Variants in RNF44 observed in about 807,000 individuals in gnomAD.
The protein encoded by RNF44 is ring finger protein 44.
Under a neutral mutation model 53.6 loss-of-function variants are expected in RNF44, and 25 were observed. That is an observed-to-expected ratio of 0.47 (90% CI 0.34 to 0.65). The LOEUF (loss-of-function observed/expected upper bound fraction) is 0.65. RNF44 is among the 30% of genes least tolerant of loss of function. RNF44 has a pLI of 0.01. For missense variants in RNF44, 581 were observed against 595.5 expected, an observed-to-expected ratio of 0.98 and a Z score of 0.25; for synonymous variants, 282 against 252.2, an observed-to-expected ratio of 1.12 and a Z score of -1.12.
chr5:176,529,939 G>C, intron 7 of RNF44, 121 bp from the exon 8 acceptor site: 1 of 1,386,438 alleles, frequency 7.2e-7, no homozygotes, highest in South Asian at 1.5e-5. Flanking sequence ...AGGGAGCCCA[G>C]CTGGCGTGCC....
Position 176,532,427 on chromosome 5 carries a change from G to C in RNF44, c.46C>G (p.Pro16Ala), listed in dbSNP as rs1455423141. 6.2e-7 allele frequency: 1 copy of C among 1,607,762 alleles called. No homozygotes were observed. Among genetic ancestry groups the C allele is most frequent in the Non-Finnish European group, 8.5e-7 (1 of 1,178,940 alleles). Residue 16 changes from proline (P) to alanine (A), a missense_variant, in exon 2 of 11, where the codon CCC (proline) becomes GCC (alanine). Physicochemically the swap from Pro to Ala is conservative, Grantham distance 27 (BLOSUM62 -1). This residue lies in a region of RNF44 where 387 missense variants were observed against 366.0 expected (regional missense o/e 1.06). Coordinates refer to ENST00000274811, the MANE Select transcript of RNF44 (RefSeq NM_014901.5). ...LAVTRWPPSA[P>A]VGQRRFSAGP... ...GCAGAGAATCGCCGCTGGCCCACGG[G>C]GGCGGAGGGTGGCCACCTAGTCACT...
chr5:176,527,413 G>A lies in RNF44; in HGVS notation c.*1615C>T, dbSNP rs1290438399. ...TTCCGCCTGCCCCAGGAACTGTAAG[G>A]GGTTTGAAAACGTTTTGTTGGGGTC... On this transcript the variant is annotated 3_prime_UTR_variant, in exon 11 of 11. Coordinates refer to ENST00000274811, the MANE Select transcript of RNF44 (RefSeq NM_014901.5). 3 of 152,610 alleles carry A rather than the reference G, an allele frequency of 2.0e-5. No homozygotes were observed. The highest frequency in any genetic ancestry group is 7.2e-5 in the African/African-American group (3 of 41,446). 9.5% of individuals were successfully genotyped at this position (152,610 alleles called of 1,614,324 possible).
Position 176,532,108 on chromosome 5 carries a change from G to A in RNF44, c.193C>T (p.Leu65Phe), listed in dbSNP as rs984797501. The part of the protein sequence containing the change: ...SQQPPSRPPH[L>F]PVEERRASAP... ...GAGGCTCGGCGCTCCTCTACGGGGA[G>A]GTGTGGAGGTCGGGACGGCGGCTGC... Residue 65 changes from leucine (L) to phenylalanine (F), a missense_variant, in exon 3 of 11, where the codon CTC becomes TTC. Around this residue, in one of 3 missense-constraint regions of RNF44, gnomAD observed 387 missense variants for 366.0 expected, o/e 1.06. Coordinates refer to ENST00000274811, the MANE Select transcript of RNF44 (RefSeq NM_014901.5). The A allele has an allele frequency of 6.3e-6, 10 of 1,593,376 alleles. No individual in the cohort carries two copies. The African/African-American group carries it at 1.1e-4, about 17-fold the overall frequency.
upstream of RNF44, among the ~76,000 whole-genome samples, chr5:176,539,447 T>C (rs1244711194): frequency 2.0e-5 from 3 of 152,264 alleles, no homozygotes; most frequent in African/African-American, 7.2e-5. Flanking sequence ...CCCAGCACTT[T>C]GGGAGATCCA....
rs1757294098 is a variant in RNF44 at position 176,537,387 on chromosome 5, A to G, written c.-492T>C. ...GCGCCGGGAGGCTCCGGCAAACAGT[A>G]GCCCGCTGCAAGCCCGCAGGGGCCC... is the stretch of plus-strand genomic sequence containing the variant. On this transcript the variant is annotated 5_prime_UTR_variant, in exon 1 of 11. Transcript: ENST00000274811. 2 of 152,078 alleles carry G rather than the reference A, an allele frequency of 1.3e-5. No individual in the cohort carries two copies. Among genetic ancestry groups the G allele is most frequent in the African/African-American group, 2.4e-5 (1 of 41,424 alleles). 9.4% of individuals were successfully genotyped at this position (152,078 alleles called of 1,614,324 possible). A position where few individuals can be genotyped will look rare whatever the true frequency, so the allele number is the denominator to read the frequency against.
chr5:176,532,379 G>T lies in RNF44; in HGVS notation c.94C>A (p.Gln32Lys). 6.2e-7 allele frequency: 1 copy of T among 1,609,490 alleles called. No individual in the cohort carries two copies. The highest frequency in any genetic ancestry group is 8.5e-7 in the Non-Finnish European group (1 of 1,178,928). ...GCTCCTTCCTACCTTCCCCAGAGCT[G>T]GCCCGGGGTGCTGCCAGGTCCCGCA... The part of the protein sequence containing the change: ...FSAGPGSTPG[Q>K]LWGSPGLEGP... The change falls in exon 2 of 11, where the codon CAG (glutamine) becomes AAG (lysine). Residue 32 changes from glutamine (Q) to lysine (K), a missense_variant. Coordinates refer to ENST00000274811, the MANE Select transcript of RNF44 (RefSeq NM_014901.5).
intron 6 of RNF44, 152 bp downstream of exon 6, chr5:176,530,430 G>GCGGGCCTGCCTCC: frequency 9.7e-7 from 1 of 1,034,842 alleles, no homozygotes; most frequent in African/African-American, 1.7e-5. Context: ...AGTCAGCCCA[G>GCGGGCCTGCCTCC]CAGGCCTGCC....
upstream of RNF44, among the ~76,000 whole-genome samples, chr5:176,540,895 TTTCAAA>T (rs1335754163): frequency 6.6e-6 from 1 of 152,234 alleles, no homozygotes; most frequent in African/African-American, 2.4e-5. Context: ...TTTTCCAGTT[TTTCAAA>T]TGAAGCCAGA....
At chr5:176,536,702 G>A (rs941084604) in intron 1 of RNF44, among the ~76,000 whole-genome samples, 1 of 152,068 alleles carries the variant, frequency 6.6e-6, no homozygotes, top group African/African-American at 2.4e-5. Context: ...CAGGGGGAGG[G>A]GGGCGGCTCC....
At chr5:176,530,781 C>G in intron 5 of RNF44, 38 bp from the exon 6 acceptor site, 1 of 1,491,952 alleles carries the variant, frequency 6.7e-7, no homozygotes. Flanking sequence ...GTCAGTGAGA[C>G]GAGGCTGTCC....
rs778515000 is a variant in RNF44 at position 176,532,496 on chromosome 5, G to A, written c.-24C>T. ...ATCGGGGGGGCAGGGGGGTGGAGGG[G>A]CTGGGCCGGGACTCACAACCCTAGG... On this transcript the variant is annotated 5_prime_UTR_variant, in exon 2 of 11. Coordinates refer to ENST00000274811, the MANE Select transcript of RNF44 (RefSeq NM_014901.5). 8 of 1,535,472 alleles carry A rather than the reference G, an allele frequency of 5.2e-6. No individual in the cohort carries two copies. In the African/African-American group the frequency reaches 9.6e-5, roughly 18 times the overall value.
chr5:176,529,725 T>C lies in RNF44; in HGVS notation c.1014+6A>G. On this transcript the variant is annotated splice_donor_region_variant and intron_variant, in intron 8 of 10. Coordinates refer to ENST00000274811, the MANE Select transcript of RNF44 (RefSeq NM_014901.5). The stretch of plus-strand genomic sequence containing the variant: ...CCCCACCTCCCAGCATGGGGCTCCA[T>C]GGGACCTCATAGTTCTCCATCTCCA... 2 of 1,611,716 alleles carry C rather than the reference T, an allele frequency of 1.2e-6. No homozygotes were observed. The highest frequency in any genetic ancestry group is 1.1e-5 in the South Asian group (1 of 90,722).
chr5:176,537,518 A>C (rs1213809049), upstream of RNF44: 1 of 151,946 alleles, frequency 6.6e-6, no homozygotes, highest in Non-Finnish European at 1.5e-5. Context: ...CCTCGCCCCC[A>C]CCTTCGCACT....
chr5:176,529,414 C>G (rs779259213), intron 9 of RNF44, 27 bp from the exon 10 acceptor site: 1 of 1,605,332 alleles, frequency 6.2e-7, no homozygotes, highest in Non-Finnish European at 8.5e-7. Flanking sequence ...AGCGTCACCT[C>G]CACGCTGAGG....
chr5:176,543,476 G>C, the RNF44 span: 6 of 152,004 alleles, frequency 3.9e-5, no homozygotes, highest in Non-Finnish European at 5.9e-5. The surrounding 1 kb of genome is among the most constrained non-coding windows in gnomAD (Gnocchi z 4.0). Context: ...CCGCGCGAAT[G>C]GAGCTGCCTG....
upstream of RNF44, among the ~76,000 whole-genome samples, chr5:176,540,217 C>T (rs565534005): frequency 3.3e-5 from 5 of 152,138 alleles, no homozygotes; most frequent in East Asian, 5.8e-4. Flanking sequence ...AGTGCGCAGA[C>T]GTCCAGCCTT....
chr5:176,531,345 G>C lies in RNF44; in HGVS notation c.465+118C>G, dbSNP rs532995597. 7 of 1,028,996 alleles carry C rather than the reference G, an allele frequency of 6.8e-6. No individual in the cohort carries two copies. The East Asian group carries it at 1.6e-4, about 23-fold the overall frequency. 63.7% of individuals were successfully genotyped at this position (1,028,996 alleles called of 1,614,324 possible). The stretch of plus-strand genomic sequence containing the variant: ...CCTGGGGAGGCCAGGCAGGCGCTCT[G>C]ACAGCCTGGATGGCTGGATAGCTCA... On this transcript the variant is annotated intron_variant, in intron 4 of 10. Transcript: ENST00000274811. This position sits in a 1 kb window ranked among gnomAD's most constrained non-coding sequence, Gnocchi z 4.2.
chr5:176,538,023 T>A (rs944270926), upstream of RNF44: 1 of 152,178 alleles, frequency 6.6e-6, no homozygotes, highest in Non-Finnish European at 1.5e-5. Flanking sequence ...CGAGCTAACG[T>A]CTGCCGGGCA....
chr5:176,529,983 A>G lies in RNF44; in HGVS notation c.926+99T>C, dbSNP rs902706277. On this transcript the variant is annotated intron_variant, in intron 7 of 10. Transcript: ENST00000274811. ...TAAGGGGGGAACGCCAGGTGGCTTC[A>G]GAGGCCCTGGGGCCCCTGGAGCTGT... is the stretch of plus-strand genomic sequence containing the variant. The G allele has an allele frequency of 2.1e-5, 31 of 1,445,118 alleles. No homozygotes were observed. In the East Asian group the frequency reaches 6.9e-4, roughly 32 times the overall value. The allele number at this position is 1,445,118 out of a possible 1,614,324, so 89.5% of individuals were successfully genotyped here.
Sources: allele counts gnomAD v4.1 joint callset (sites outside exome capture counted in the v4.1 genomes callset), GRCh38; gene constraint gnomAD v4.1.1; regional missense constraint gnomAD v4.1.1; non-coding constraint Gnocchi (gnomAD v3.1); transcripts MANE v1.5; gene names NCBI Gene and HGNC (gene_info 2026-07-23, HGNC 2026-07-21).